CLEC17A: variants seen among roughly 807,000 people sequenced by gnomAD.
CLEC17A encodes C-type lectin domain family 17, member A.
CLEC17A carries 37 observed loss-of-function variants against 61.3 expected under a neutral mutation model. That is an observed-to-expected ratio of 0.60 (90% confidence interval 0.46 to 0.79). The LOEUF (loss-of-function observed/expected upper bound fraction) is 0.79, where lower values mean the gene tolerates loss of function less well. Among genes scored for constraint, CLEC17A ranks in the 30% least tolerant of loss-of-function variants. CLEC17A has a pLI of 0.00. For synonymous variants in CLEC17A, 168 were observed against 164.9 expected (o/e 1.02, Z -0.14); for missense variants, 418 against 464.7 (o/e 0.90, Z 0.92).
chr19:14,591,329 T>C (rs2074411054), intron 3 of CLEC17A, among the ~76,000 whole-genome samples: 1 of 151,646 alleles, frequency 6.6e-6, no homozygotes, highest in Admixed American at 6.6e-5. Context: ...TAATTTTTTG[T>C]ATTTTTAGTA....
intron 12 of CLEC17A, 87 bp downstream of exon 12, chr19:14,600,269 G>A: frequency 6.7e-7 from 1 of 1,484,496 alleles, no homozygotes; most frequent in Non-Finnish European, 9.1e-7. Flanking sequence ...TTCCCTGGAT[G>A]GCAAGAAATT....
At position 14,594,773 on chromosome 19, in the gene CLEC17A, G is replaced by A. The variant is rs367815850; in HGVS notation, c.376G>A (p.Ala126Thr). Residue 126 changes from alanine (A) to threonine (T), a missense_variant, in exon 7 of 14, where the codon GCT (alanine) becomes ACT (threonine). Ala to Thr is a moderately conservative substitution (Grantham distance 58). Coordinates refer to ENST00000417570, the MANE Select transcript of CLEC17A (RefSeq NM_001204118.2). ...PRNMTGLDLA[A>T]VTCPPPQLAV... ...ATCTCTTCTAGGCCTGGACCTCGCC[G>A]CTGTCACCTGTCCACCTCCTCAACT... The A allele has an allele frequency of 1.9e-5, 30 of 1,613,788 alleles. No individual in the cohort carries two copies. The African/African-American group carries it at 2.8e-4, about 15-fold the overall frequency.
chr19:14,607,222 T>C (rs1306969211), intron 13 of CLEC17A, 120 bp downstream of exon 13: 5 of 334,234 alleles, frequency 1.5e-5, no homozygotes, highest in African/African-American at 1.1e-4. Flanking sequence ...TTTTTTTTTT[T>C]GAGACAGAGT....
At chr19:14,599,987 T>A (rs769932526) in intron 11 of CLEC17A, 44 bp from the exon 12 acceptor site, 1 of 1,606,334 alleles carries the variant, frequency 6.2e-7, no homozygotes, top group Non-Finnish European at 8.5e-7. Flanking sequence ...TGTACATGGC[T>A]CAGGTTCTGG....
At chr19:14,581,901 C>T (rs1188054783), upstream of CLEC17A, among the ~76,000 whole-genome samples, 1 of 152,180 alleles carries the variant, frequency 6.6e-6, no homozygotes, top group Admixed American at 6.6e-5. Context: ...ATCCACCCAC[C>T]TCGGCCTCCC....
chr19:14,610,704 A>G lies in CLEC17A; in HGVS notation c.*508A>G, dbSNP rs979154809. 2 of 156,352 alleles carry G rather than the reference A, an allele frequency of 1.3e-5. No homozygotes were observed. Among genetic ancestry groups the G allele is most frequent in the African/African-American group, 4.8e-5 (2 of 41,480 alleles). The allele number at this position is 156,352 out of a possible 1,614,324, so 9.7% of individuals were successfully genotyped here. On this transcript the variant is annotated 3_prime_UTR_variant, in exon 14 of 14. Coordinates refer to ENST00000417570, the MANE Select transcript of CLEC17A (RefSeq NM_001204118.2). The stretch of plus-strand genomic sequence containing the variant: ...CTGGCCAATTTTTTGTAGCATTTAA[A>G]GAGAGGGAGTCTCACTATGTTGCCC...
At chr19:14,608,453 T>C (rs1392829721) in intron 13 of CLEC17A, among the ~76,000 whole-genome samples, 1 of 152,052 alleles carries the variant, frequency 6.6e-6, no homozygotes, top group African/African-American at 2.4e-5. Context: ...ATCCCAGGCT[T>C]GGCCAGACAG....
chr19:14,596,927 A>G lies in CLEC17A; in HGVS notation c.497A>G (p.Gln166Arg). The G allele has an allele frequency of 6.2e-7, 1 of 1,608,654 alleles. No homozygotes were observed. The highest frequency in any genetic ancestry group is 8.5e-7 in the Non-Finnish European group (1 of 1,177,490). ...AGGTCTGGAGGTCCTGGCTGCTGCC[A>G]GAAGAGGTGGATGGTGTACCTGTGT... ...NQRSGGPGCC[Q>R]KRWMVYLCLL... Residue 166 changes from glutamine (Q) to arginine (R), a missense_variant, in exon 9 of 14, where the codon CAG (glutamine) becomes CGG (arginine). Gln to Arg is a conservative substitution (Grantham distance 43). Transcript: ENST00000417570.
At chr19:14,587,232 G>GATGT (rs1555743284) in intron 2 of CLEC17A, among the ~76,000 whole-genome samples, 3 of 114,680 alleles carry the variant, frequency 2.6e-5, no homozygotes, top group African/African-American at 1.4e-4. Flanking sequence ...TCCAGAGAAA[G>GATGT]ATGTGTGTGT....
Position 14,607,419 on chromosome 19 carries a change from G to A in CLEC17A, c.1004+317G>A, listed in dbSNP as rs551902993. Among the ~76,000 whole-genome samples the A allele has an allele frequency of 9.6e-4, 145 of 151,730 alleles. 5 individuals are homozygous for A. The East Asian group carries it at 0.024, about 25-fold the overall frequency. ...GGGGTTTCACCGTGTTAGCCAGGAT[G>A]GTCTTGATCTCCTGACCTCGTGATC... is the stretch of plus-strand genomic sequence containing the variant. On this transcript the variant is annotated intron_variant, in intron 13 of 13. Transcript: ENST00000417570.
chr19:14,595,699 T>C (rs2074525885), intron 8 of CLEC17A, among the ~76,000 whole-genome samples: 1 of 151,812 alleles, frequency 6.6e-6, no homozygotes, highest in Non-Finnish European at 1.5e-5. Context: ...TGTGTGCTGA[T>C]GGTGATGGTG....
At chr19:14,595,640 A>G (rs1213806239) in intron 8 of CLEC17A, among the ~76,000 whole-genome samples, 1 of 147,750 alleles carries the variant, frequency 6.8e-6, no homozygotes, top group East Asian at 2.0e-4. Flanking sequence ...ATGGAAAGGA[A>G]GAGGATGGTT....
chr19:14,590,029 C>T (rs2074372454), intron 3 of CLEC17A, among the ~76,000 whole-genome samples: 1 of 140,604 alleles, frequency 7.1e-6, no homozygotes, highest in Admixed American at 7.4e-5. Context: ...ACTACAATCA[C>T]GCAAGAGATC....
At chr19:14,586,524 G>A (rs2074285001) in intron 2 of CLEC17A, among the ~76,000 whole-genome samples, 2 of 152,048 alleles carry the variant, frequency 1.3e-5, no homozygotes, top group African/African-American at 4.8e-5. Context: ...CTGAGCTCAA[G>A]CAATCCTCCC....
rs778209513 is a variant in CLEC17A, at chr19:14,610,044, C to A, written c.1005-20C>A. On this transcript the variant is annotated intron_variant, in intron 13 of 13. Transcript: ENST00000417570. Reference sequence around the variant, plus strand: ...ACCCTAAAGATCCCTGTCCCTCTGCCCACTTTTTCCTCCATCCAGCTTCTG... The same window carrying A: ...ACCCTAAAGATCCCTGTCCCTCTGCACACTTTTTCCTCCATCCAGCTTCTG... 1.9e-6 allele frequency: 3 copies of A among 1,597,642 alleles called. No homozygotes were observed. Among genetic ancestry groups the A allele is most frequent in the East Asian group, 2.2e-5 (1 of 44,780 alleles).
At chr19:14,587,721 G>C in intron 3 of CLEC17A, 30 bp downstream of exon 3, 2 of 1,609,862 alleles carry the variant, frequency 1.2e-6, no homozygotes, top group Non-Finnish European at 1.7e-6. Flanking sequence ...TGTGACCTGG[G>C]GGAATACAGG....
chr19:14,589,867 T>C (rs2074370144), intron 3 of CLEC17A, among the ~76,000 whole-genome samples: 1 of 132,390 alleles, frequency 7.6e-6, no homozygotes, highest in Non-Finnish European at 1.6e-5. Context: ...CTCTGCCATG[T>C]TGTGAAGATG....
At chr19:14,593,162 A>G (rs1201148732) in intron 4 of CLEC17A, among the ~76,000 whole-genome samples, 3 of 152,006 alleles carry the variant, frequency 2.0e-5, no homozygotes, top group Admixed American at 6.6e-5. Context: ...GTTCAACAAG[A>G]ATCTGATCAG....
intron 3 of CLEC17A, among the ~76,000 whole-genome samples, chr19:14,587,992 T>G (rs1383537029): frequency 6.6e-6 from 1 of 151,598 alleles, no homozygotes; most frequent in African/African-American, 2.4e-5. Context: ...GAGTAGACAT[T>G]TCTTAAGAAG....
Sources: allele counts gnomAD v4.1 joint callset (sites outside exome capture counted in the v4.1 genomes callset), GRCh38; gene constraint gnomAD v4.1.1; transcripts MANE v1.5; gene names NCBI Gene and HGNC (gene_info 2026-07-23, HGNC 2026-07-21).